DPYD: variants seen among roughly 807,000 people sequenced by gnomAD.
The protein encoded by DPYD is dihydropyrimidine dehydrogenase, also known as dihydropyrimidine dehydrogenase [NADP(+)].
Under a neutral mutation model 116.2 loss-of-function variants are expected in DPYD, and 109 were observed. The ratio of observed to expected loss-of-function variants is 0.94; its 90% CI spans 0.80 to 1.10. The LOEUF (loss-of-function observed/expected upper bound fraction) is 1.10, where lower values mean the gene tolerates loss of function less well. Ranked by LOEUF, DPYD falls within the 50% of genes least tolerant of loss-of-function variation. The pLI, the probability that DPYD is intolerant of heterozygous loss-of-function variation, is 0.00. For synonymous variants in DPYD, 440 were observed against 432.0 expected (o/e 1.02, Z -0.23); for missense variants, 1,302 against 1,254.5 (o/e 1.04, Z -0.57).
At chr1:97,726,632 G>A (rs988904817) in intron 4 of DPYD, among the ~76,000 whole-genome samples, 8 of 151,290 alleles carry the variant, frequency 5.3e-5, no homozygotes, top group Non-Finnish European at 3.0e-5. Context: ...AATTAGAAGT[G>A]TCCTTGTAAT....
chr1:97,314,366 C>T (rs188871429), intron 16 of DPYD, among the ~76,000 whole-genome samples: 4 of 151,868 alleles, frequency 2.6e-5, no homozygotes, highest in African/African-American at 7.2e-5. Flanking sequence ...CTTTAAATAT[C>T]ATTTCTGGTG....
At chr1:97,844,191 C>A (rs1670176264) in intron 2 of DPYD, among the ~76,000 whole-genome samples, 1 of 152,150 alleles carries the variant, frequency 6.6e-6, no homozygotes, top group Admixed American at 6.5e-5. Flanking sequence ...GAGAATCTTG[C>A]CAAACCATGG....
chr1:97,649,823 G>A (rs889977584), intron 8 of DPYD, among the ~76,000 whole-genome samples: 12 of 152,024 alleles, frequency 7.9e-5, no homozygotes, highest in Admixed American at 1.3e-4. Context: ...CAGAAACTGG[G>A]ACACAGGCGA....
At chr1:97,401,908 C>G (rs1033388781) in intron 14 of DPYD, among the ~76,000 whole-genome samples, 1 of 152,118 alleles carries the variant, frequency 6.6e-6, no homozygotes, top group Admixed American at 6.6e-5. Flanking sequence ...AAGTGTCTTA[C>G]TGCTTTGTCA....
intron 8 of DPYD, among the ~76,000 whole-genome samples, chr1:97,640,077 G>A (rs1413508935): frequency 6.6e-6 from 1 of 152,070 alleles, no homozygotes; most frequent in Non-Finnish European, 1.5e-5. Context: ...TATCTGTCTA[G>A]TCTTCATATA....
At chr1:97,806,373 CTGTCGTTT>C (rs1197037109) in intron 3 of DPYD, among the ~76,000 whole-genome samples, 3 of 151,858 alleles carry the variant, frequency 2.0e-5, no homozygotes, top group African/African-American at 7.2e-5. Context: ...TAGTATGTTA[CTGTCGTTT>C]TAATTTGTGT....
intron 3 of DPYD, among the ~76,000 whole-genome samples, chr1:97,758,222 T>C (rs1474659080): frequency 6.6e-6 from 1 of 152,146 alleles, no homozygotes; most frequent in South Asian, 2.1e-4. Flanking sequence ...CTACTTAACC[T>C]CTGCTAAGTG....
chr1:97,186,419 T>G (rs1657997799), intron 20 of DPYD, among the ~76,000 whole-genome samples: 1 of 152,140 alleles, frequency 6.6e-6, no homozygotes, highest in Non-Finnish European at 1.5e-5. Context: ...ACACCCTGCT[T>G]CTACCCTCCC....
intron 20 of DPYD, among the ~76,000 whole-genome samples, chr1:97,141,040 A>C (rs1654178702): frequency 6.6e-6 from 1 of 152,138 alleles, no homozygotes; most frequent in Non-Finnish European, 1.5e-5. Context: ...GAGGTAGGGA[A>C]AGTTCACTTC....
At chr1:97,371,582 A>G (rs139399818) in intron 16 of DPYD, among the ~76,000 whole-genome samples, 94 of 152,350 alleles carry the variant, frequency 6.2e-4, no homozygotes, top group Non-Finnish European at 1.1e-3. Context: ...GTTTGTGCTC[A>G]CTTCAGAAAG....
chr1:97,480,344 C>A (rs1678229313), intron 13 of DPYD, among the ~76,000 whole-genome samples: 1 of 151,966 alleles, frequency 6.6e-6, no homozygotes, highest in Non-Finnish European at 1.5e-5. Context: ...CTCCAGATGA[C>A]CGATGGAAAC....
chr1:97,323,371 CAT>C lies in DPYD; in HGVS notation c.2059-17076_2059-17075del, dbSNP rs1491494331. On this transcript the variant is annotated intron_variant, in intron 16 of 22. Transcript: ENST00000370192. ...ATGTGTATATGTACACGTATGTATA[CAT>C]GTGTATATGTACACGTATGTATACA... Among the ~76,000 whole-genome samples, 29 of 47,258 alleles carry C rather than the reference CAT, an allele frequency of 6.1e-4. 3 individuals carry two copies. The highest frequency in any genetic ancestry group is 2.6e-3 in the African/African-American group (27 of 10,542). 31.0% of individuals were successfully genotyped at this position (47,258 alleles called of 152,430 possible).
chr1:97,133,914 G>A (rs1322109202), intron 20 of DPYD, among the ~76,000 whole-genome samples: 2 of 149,014 alleles, frequency 1.3e-5, no homozygotes, highest in African/African-American at 2.5e-5. Context: ...TGGGGGAATC[G>A]CTGAAACCCG....
intron 19 of DPYD, among the ~76,000 whole-genome samples, chr1:97,229,389 C>T (rs1191299651): frequency 6.7e-6 from 1 of 149,874 alleles, no homozygotes; most frequent in Non-Finnish European, 1.5e-5. Context: ...TAAAACTATA[C>T]TGAACGAAAG....
At chr1:97,234,175 G>C (rs533982832) in intron 19 of DPYD, among the ~76,000 whole-genome samples, 14 of 152,102 alleles carry the variant, frequency 9.2e-5, no homozygotes, top group Non-Finnish European at 4.4e-5. Context: ...TACAAAACCT[G>C]AATGAGAAAT....
intron 16 of DPYD, among the ~76,000 whole-genome samples, chr1:97,311,289 A>G (rs1667501231): frequency 1.3e-5 from 2 of 151,986 alleles, no homozygotes; most frequent in South Asian, 4.1e-4. Context: ...TCCAGAATAT[A>G]TAAAGGACCA....
chr1:97,138,187 C>T (rs1346823103), intron 20 of DPYD, among the ~76,000 whole-genome samples: 9 of 152,126 alleles, frequency 5.9e-5, no homozygotes, highest in Non-Finnish European at 1.0e-4. Flanking sequence ...CCTGGCCTGG[C>T]GGAAACCTGT....
At chr1:97,315,572 T>C (rs768494298) in intron 16 of DPYD, among the ~76,000 whole-genome samples, 8 of 151,994 alleles carry the variant, frequency 5.3e-5, no homozygotes, top group Non-Finnish European at 1.2e-4. Context: ...AACAGTTCTC[T>C]ACTTGTATGA....
chr1:97,458,561 C>G (rs1458581374), intron 13 of DPYD, among the ~76,000 whole-genome samples: 1 of 152,152 alleles, frequency 6.6e-6, no homozygotes, highest in African/African-American at 2.4e-5. Flanking sequence ...GGCCTATAAA[C>G]TGAGTTACAA....
Sources: allele counts gnomAD v4.1 joint callset (sites outside exome capture counted in the v4.1 genomes callset), GRCh38; gene constraint gnomAD v4.1.1; transcripts MANE v1.5; gene names NCBI Gene and HGNC (gene_info 2026-07-23, HGNC 2026-07-21).